CADM2: variants seen among roughly 807,000 people sequenced by gnomAD.
CADM2 encodes the protein cell adhesion molecule 2.
Under a neutral mutation model 49.8 loss-of-function variants are expected in CADM2, and 12 were observed. The observed-to-expected ratio is 0.24, with a 90% CI of 0.15 to 0.39. CADM2 has a LOEUF of 0.39. Among genes scored for constraint, CADM2 ranks in the 10% least tolerant of loss-of-function variants. The pLI, the probability that CADM2 is intolerant of heterozygous loss-of-function variation, is 1.00. For synonymous variants in CADM2, 214 were observed against 175.4 expected, an observed-to-expected ratio of 1.22 and a Z score of -1.74; for missense variants, 378 against 492.3, an observed-to-expected ratio of 0.77 and a Z score of 2.20.
At chr3:85,494,681 C>G (rs1050301619) in intron 1 of CADM2, among the ~76,000 whole-genome samples, 1 of 152,094 alleles carries the variant, frequency 6.6e-6, no homozygotes, top group Non-Finnish European at 1.5e-5. Context: ...CCATTGAGGA[C>G]TATATTGACA....
chr3:85,112,819 T>G (rs533976078), intron 1 of CADM2, among the ~76,000 whole-genome samples: 24 of 151,890 alleles, frequency 1.6e-4, no homozygotes, highest in Admixed American at 1.4e-3. Context: ...GCAAAGATAT[T>G]CTTCAACAAT....
At chr3:85,405,258 T>C (rs1244036577) in intron 1 of CADM2, among the ~76,000 whole-genome samples, 1 of 152,220 alleles carries the variant, frequency 6.6e-6, no homozygotes, top group Non-Finnish European at 1.5e-5. Context: ...ACAGTTTTGA[T>C]GGCCTGACCT....
intron 7 of CADM2, among the ~76,000 whole-genome samples, chr3:85,946,366 A>C (rs1407657792): frequency 6.6e-6 from 1 of 151,822 alleles, no homozygotes; most frequent in Non-Finnish European, 1.5e-5. Context: ...AAGGTAATTT[A>C]TAGATTCAAT....
intron 1 of CADM2, among the ~76,000 whole-genome samples, chr3:85,449,416 T>A (rs938861069): frequency 6.6e-6 from 1 of 152,166 alleles, no homozygotes; most frequent in Non-Finnish European, 1.5e-5. Context: ...GCTTTGCTCC[T>A]ATTTATACAG....
chr3:85,410,853 AGAAAGAG>A (rs1052790218), intron 1 of CADM2, among the ~76,000 whole-genome samples: 1 of 152,178 alleles, frequency 6.6e-6, no homozygotes, highest in Non-Finnish European at 1.5e-5. Context: ...AGGTAGAAAA[AGAAAGAG>A]GCACAACCAC....
At position 85,019,554 on chromosome 3, in the gene CADM2, C is replaced by T. The variant is rs181634955; in HGVS notation, c.61+59886C>T. ...GTCCTGAGCAAACCAAAACAATTGG[C>T]CACTCTAACTAACACTGTCAGGCAT... On this transcript the variant is annotated intron_variant, in intron 1 of 9. Transcript: ENST00000383699. Among the ~76,000 whole-genome samples the T allele has an allele frequency of 2.6e-5, 4 of 152,212 alleles. 1 individual carries two copies. In the East Asian group the frequency reaches 7.7e-4, roughly 29 times the overall value.
At chr3:85,490,059 A>G (rs926296007) in intron 1 of CADM2, among the ~76,000 whole-genome samples, 1 of 78,302 alleles carries the variant, frequency 1.3e-5, no homozygotes, top group African/African-American at 5.7e-5. Flanking sequence ...CAATTATCTC[A>G]GTGAGTCCAT....
chr3:85,563,229 G>A (rs1046161409), intron 1 of CADM2, among the ~76,000 whole-genome samples: 11 of 152,174 alleles, frequency 7.2e-5, no homozygotes, highest in African/African-American at 2.6e-4. Context: ...AGCAAATCTG[G>A]CAGAATACCT....
intron 6 of CADM2, among the ~76,000 whole-genome samples, chr3:85,933,659 A>C (rs1481775776): frequency 6.6e-6 from 1 of 152,140 alleles, no homozygotes; most frequent in African/African-American, 2.4e-5. Flanking sequence ...GCGAGCTGGA[A>C]GACCAAGAGT....
At position 85,685,759 on chromosome 3, in the gene CADM2, G is replaced by A. The variant is rs573543606; in HGVS notation, c.62-40763G>A. ...CTTCCTCAGCCTCCTGAGTCTCTGG[G>A]ACTACAGGGCACGTGCCACCACGCC... is the stretch of plus-strand genomic sequence containing the variant. On this transcript the variant is annotated intron_variant, in intron 1 of 9. Transcript: ENST00000383699. Among the ~76,000 whole-genome samples the A allele has an allele frequency of 5.3e-5, 8 of 151,676 alleles. No individual in the cohort carries two copies. In the South Asian group the frequency reaches 1.2e-3, roughly 24 times the overall value.
At chr3:85,190,578 A>G (rs1356723630) in intron 1 of CADM2, among the ~76,000 whole-genome samples, 1 of 152,118 alleles carries the variant, frequency 6.6e-6, no homozygotes, top group African/African-American at 2.4e-5. Context: ...TTATTCCCCA[A>G]ACTCACACAA....
At chr3:85,433,734 G>GT (rs2036796816) in intron 1 of CADM2, among the ~76,000 whole-genome samples, 1 of 152,086 alleles carries the variant, frequency 6.6e-6, no homozygotes, top group South Asian at 2.1e-4. Flanking sequence ...TTAACAATCA[G>GT]TTTTTTCTTT....
At chr3:85,706,233 C>A (rs1283954313) in intron 1 of CADM2, among the ~76,000 whole-genome samples, 1 of 152,146 alleles carries the variant, frequency 6.6e-6, no homozygotes, top group Non-Finnish European at 1.5e-5. Context: ...TCTATAATAA[C>A]CCCACTTCAG....
chr3:85,451,153 G>T (rs1400782387), intron 1 of CADM2, among the ~76,000 whole-genome samples: 1 of 151,844 alleles, frequency 6.6e-6, no homozygotes, highest in Admixed American at 6.6e-5. Flanking sequence ...GAGAAAAATA[G>T]GCTGTAATCT....
chr3:85,747,884 A>G (rs1011813919), intron 2 of CADM2, among the ~76,000 whole-genome samples: 33 of 152,132 alleles, frequency 2.2e-4, no homozygotes, highest in Non-Finnish European at 1.0e-4. Flanking sequence ...TATGTGCTGT[A>G]GGATGACACT....
In CADM2 at chr3:85,802,065, C is replaced by T; in HGVS notation, c.107C>T (p.Pro36Leu). Residue 36 changes from proline (P) to leucine (L), a missense_variant, in exon 3 of 10, where the codon CCA (proline) becomes CTA (leucine). Physicochemically the swap from Pro to Leu is moderately conservative, Grantham distance 98 (BLOSUM62 -3). Transcript: ENST00000383699. ...CTTTTAGGCAGCCAAGGGCAGTTTC[C>T]ACTAACACAGAATGTAACCGTTGTT... Reference protein sequence around the residue: ...NKVKGSQGQFPLTQNVTVVEG... With the variant: ...NKVKGSQGQFLLTQNVTVVEG... 6.2e-7 allele frequency: 1 copy of T among 1,610,132 alleles called. No homozygotes were observed. The highest frequency in any genetic ancestry group is 8.5e-7 in the Non-Finnish European group (1 of 1,178,020).
intron 1 of CADM2, among the ~76,000 whole-genome samples, chr3:85,334,745 C>T (rs565254633): frequency 6.6e-6 from 1 of 151,428 alleles, no homozygotes; most frequent in African/African-American, 2.4e-5. Flanking sequence ...TATAATATTT[C>T]ATTTTTCTTG....
intron 1 of CADM2, among the ~76,000 whole-genome samples, chr3:85,521,339 T>C (rs542357485): frequency 6.6e-6 from 1 of 152,284 alleles, no homozygotes; most frequent in South Asian, 2.1e-4. Flanking sequence ...TACATATCCA[T>C]GTATGAAAGC....
intron 1 of CADM2, among the ~76,000 whole-genome samples, chr3:85,078,922 GTGTATATTAACATTATCAC>G (rs1477051865): frequency 1.3e-5 from 2 of 151,600 alleles, no homozygotes; most frequent in Non-Finnish European, 3.0e-5. Flanking sequence ...AATGCTAACA[GTGTATATTAACATTATCAC>G]TGTTGTAACT....
Sources: allele counts gnomAD v4.1 joint callset (sites outside exome capture counted in the v4.1 genomes callset), GRCh38; gene constraint gnomAD v4.1.1; transcripts MANE v1.5; gene names NCBI Gene and HGNC (gene_info 2026-07-23, HGNC 2026-07-21).